Variants in MAF observed in about 807,000 individuals in gnomAD.
MAF encodes MAF bZIP transcription factor, also known as transcription factor Maf.
Under a neutral mutation model 22.0 loss-of-function variants are expected in MAF, and 10 were observed. That is an observed-to-expected ratio of 0.45 (90% CI 0.28 to 0.77). The LOEUF is 0.77. Among genes scored for constraint, MAF ranks in the 30% least tolerant of loss-of-function variants. The probability of loss-of-function intolerance (pLI) is 0.12; values close to 1 mark genes in which losing one functional copy is unlikely to be tolerated. For synonymous variants in MAF, 337 were observed against 255.8 expected, an observed-to-expected ratio of 1.32 and a Z score of -3.03; for missense variants, 544 against 548.4, an observed-to-expected ratio of 0.99 and a Z score of 0.08.
the MAF span, among the ~76,000 whole-genome samples, chr16:79,419,080 G>C: frequency 1.3e-5 from 2 of 152,226 alleles, no homozygotes; most frequent in African/African-American, 2.4e-5. Flanking sequence ...AAATACACCA[G>C]TCTAAATGTG....
At chr16:79,424,222 T>C in the MAF span, among the ~76,000 whole-genome samples, 59 of 151,998 alleles carry the variant, frequency 3.9e-4, no homozygotes, top group Non-Finnish European at 1.2e-4. Flanking sequence ...TGAAGGAAAA[T>C]AAAATAATAA....
the MAF span, among the ~76,000 whole-genome samples, chr16:79,240,467 T>C: frequency 8.2e-6 from 1 of 122,650 alleles, no homozygotes; most frequent in African/African-American, 3.0e-5. Context: ...TTTGCCTCCA[T>C]TTGCCAACAA....
the MAF span, among the ~76,000 whole-genome samples, chr16:79,556,502 T>A: frequency 1.3e-5 from 2 of 152,182 alleles, no homozygotes; most frequent in Non-Finnish European, 2.9e-5. Flanking sequence ...AGAAGGAGAC[T>A]GTAAGCTGAG....
the MAF span, among the ~76,000 whole-genome samples, chr16:79,355,408 A>C: frequency 1.3e-5 from 2 of 152,216 alleles, no homozygotes; most frequent in Non-Finnish European, 2.9e-5. Flanking sequence ...AGCCCAGCGG[A>C]GTCAAAGGAC....
chr16:79,281,129 C>G, the MAF span, among the ~76,000 whole-genome samples: 4 of 151,288 alleles, frequency 2.6e-5, no homozygotes, highest in Non-Finnish European at 5.9e-5. Flanking sequence ...CCAGAGGCTA[C>G]CAGAGGGAAG....
At chr16:79,509,590 C>T in the MAF span, among the ~76,000 whole-genome samples, 14 of 152,346 alleles carry the variant, frequency 9.2e-5, no homozygotes, top group Admixed American at 5.9e-4. Flanking sequence ...CTGGAGAGGG[C>T]CGGGTCTGGG....
At chr16:79,507,836 T>C in the MAF span, among the ~76,000 whole-genome samples, 2 of 152,240 alleles carry the variant, frequency 1.3e-5, no homozygotes, top group East Asian at 3.8e-4. Context: ...CTAGTACTCA[T>C]AAGCATTTTC....
chr16:79,264,869 C>T, the MAF span, among the ~76,000 whole-genome samples: 2 of 152,096 alleles, frequency 1.3e-5, no homozygotes, highest in East Asian at 1.9e-4. Context: ...CCCTCCACCC[C>T]ACAGTTCCCA....
At chr16:79,500,555 C>T in the MAF span, among the ~76,000 whole-genome samples, 1 of 152,148 alleles carries the variant, frequency 6.6e-6, no homozygotes, top group Non-Finnish European at 1.5e-5. Context: ...TTTCTTCACA[C>T]CACGGTAGAG....
At chr16:79,449,846 T>G in the MAF span, among the ~76,000 whole-genome samples, 1 of 152,232 alleles carries the variant, frequency 6.6e-6, no homozygotes, top group African/African-American at 2.4e-5. Context: ...GGTTCAAGAT[T>G]AGATCTTAAC....
the MAF span, among the ~76,000 whole-genome samples, chr16:79,405,203 C>A: frequency 6.6e-6 from 1 of 152,136 alleles, no homozygotes. Flanking sequence ...AAGGGAATGT[C>A]CAAAGGATGG....
the MAF span, among the ~76,000 whole-genome samples, chr16:79,316,440 A>G: frequency 2.6e-5 from 4 of 152,298 alleles, no homozygotes; most frequent in Non-Finnish European, 2.9e-5. Flanking sequence ...CACCTGCTCT[A>G]GCGCCAACAT....
the MAF span, among the ~76,000 whole-genome samples, chr16:79,447,417 G>A: frequency 1.3e-5 from 2 of 151,980 alleles, no homozygotes; most frequent in East Asian, 1.9e-4. Flanking sequence ...TGATGGAGAT[G>A]TACAAGGTGA....
the MAF span, among the ~76,000 whole-genome samples, chr16:79,382,595 C>A: frequency 6.6e-6 from 1 of 152,188 alleles, no homozygotes; most frequent in Non-Finnish European, 1.5e-5. Flanking sequence ...AGACCCTGAA[C>A]GCAGCTATTG....
chr16:79,392,200 G>A, the MAF span, among the ~76,000 whole-genome samples: 1 of 147,972 alleles, frequency 6.8e-6, no homozygotes, highest in Non-Finnish European at 1.5e-5. Flanking sequence ...GGAGAGACAA[G>A]AAGAGAGAGG....
the MAF span, among the ~76,000 whole-genome samples, chr16:79,224,685 C>A: frequency 6.6e-6 from 1 of 152,232 alleles, no homozygotes; most frequent in Non-Finnish European, 1.5e-5. Flanking sequence ...AATCCATGTG[C>A]AAAAATCACA....
At chr16:79,222,402 A>G in the MAF span, among the ~76,000 whole-genome samples, 1 of 152,216 alleles carries the variant, frequency 6.6e-6, no homozygotes, top group Non-Finnish European at 1.5e-5. Flanking sequence ...TGTAAAGACC[A>G]TCAACACTAT....
chr16:79,523,480 T>C, the MAF span, among the ~76,000 whole-genome samples: 1 of 152,228 alleles, frequency 6.6e-6, no homozygotes, highest in African/African-American at 2.4e-5. Context: ...GTTCATTCAT[T>C]TGTTCACTCA....
chr16:79,351,114 C>T, the MAF span, among the ~76,000 whole-genome samples: 1 of 152,174 alleles, frequency 6.6e-6, no homozygotes, highest in South Asian at 2.1e-4. Flanking sequence ...AATGCTGCTT[C>T]ACGATTGAGT....
Sources: gnomAD v4.1 joint callset for allele counts (sites outside exome capture counted in the v4.1 genomes callset) on GRCh38, gnomAD v4.1.1 for gene constraint, MANE v1.5 for transcripts, NCBI Gene and HGNC (gene_info 2026-07-23, HGNC 2026-07-21) for gene names.